EYS: variants seen among roughly 807,000 people sequenced by gnomAD.
EYS encodes protein eyes shut homolog.
In EYS, 250 loss-of-function variants were observed where a neutral mutation model predicts 282.1. The observed-to-expected ratio is 0.89, with a 90% CI of 0.80 to 0.98. The LOEUF is 0.98. Ranked by LOEUF, EYS falls within the 50% of genes least tolerant of loss-of-function variation. The pLI, the probability that EYS is intolerant of heterozygous loss-of-function variation, is 0.00. For missense variants in EYS, 4,016 were observed against 3,709.0 expected, an observed-to-expected ratio of 1.08 and a Z score of -2.15; for synonymous variants, 1,355 against 1,282.9, an observed-to-expected ratio of 1.06 and a Z score of -1.20.
At chr6:64,778,036 A>C (rs1262623333) in intron 22 of EYS, among the ~76,000 whole-genome samples, 1 of 152,152 alleles carries the variant, frequency 6.6e-6, no homozygotes, top group African/African-American at 2.4e-5. Context: ...TATTGCTTTT[A>C]GAAAAGGATT....
chr6:63,869,070 A>G (rs1288940919), intron 35 of EYS, among the ~76,000 whole-genome samples: 1 of 152,210 alleles, frequency 6.6e-6, no homozygotes, highest in East Asian at 1.9e-4. Context: ...GGAGAAACAT[A>G]GTCTATATAA....
At chr6:64,777,391 ATAAAGT>A (rs1773712412) in intron 22 of EYS, among the ~76,000 whole-genome samples, 1 of 152,154 alleles carries the variant, frequency 6.6e-6, no homozygotes, top group Non-Finnish European at 1.5e-5. Context: ...GTTGAATCCA[ATAAAGT>A]TAAATAAACA....
chr6:64,933,902 T>C (rs1475026524), intron 15 of EYS, among the ~76,000 whole-genome samples: 2 of 152,088 alleles, frequency 1.3e-5, no homozygotes, highest in Admixed American at 6.6e-5. Flanking sequence ...AAACACTGCA[T>C]GTTCTCACTC....
intron 2 of EYS, among the ~76,000 whole-genome samples, chr6:65,592,415 T>C (rs1194784676): frequency 1.3e-5 from 2 of 152,006 alleles, no homozygotes; most frequent in East Asian, 3.9e-4. Context: ...GATATTTTAT[T>C]ACTATATTTC....
intron 12 of EYS, among the ~76,000 whole-genome samples, chr6:65,220,482 C>T (rs1484832183): frequency 6.6e-6 from 1 of 152,134 alleles, no homozygotes; most frequent in Non-Finnish European, 1.5e-5. Context: ...CTGCCTGTCA[C>T]CATGTAAGAT....
intron 22 of EYS, among the ~76,000 whole-genome samples, chr6:64,795,827 T>A (rs1419106480): frequency 2.0e-5 from 3 of 152,190 alleles, no homozygotes; most frequent in Non-Finnish European, 2.9e-5. Context: ...ACAGCGGTAC[T>A]TTTTTCAAAC....
intron 29 of EYS, among the ~76,000 whole-genome samples, chr6:64,370,642 T>C (rs1772334351): frequency 6.6e-6 from 1 of 152,098 alleles, no homozygotes; most frequent in Admixed American, 6.5e-5. Context: ...TGTAAATTCA[T>C]CTGGTCCTGG....
intron 31 of EYS, among the ~76,000 whole-genome samples, chr6:64,090,455 T>A (rs1180462922): frequency 6.6e-6 from 1 of 152,158 alleles, no homozygotes; most frequent in Non-Finnish European, 1.5e-5. Context: ...CAATATAGAA[T>A]TGATAATACC....
intron 29 of EYS, among the ~76,000 whole-genome samples, chr6:64,369,931 A>C (rs2150413042): frequency 6.6e-6 from 1 of 151,962 alleles, no homozygotes; most frequent in East Asian, 1.9e-4. Flanking sequence ...GCTTTAGGGC[A>C]GAGACTATGG....
At position 65,394,515 on chromosome 6, in the gene EYS, C is replaced by T. The variant is rs369049653; in HGVS notation, c.1184+7963G>A. Among the ~76,000 whole-genome samples, 14 of 152,172 alleles carry T rather than the reference C, an allele frequency of 9.2e-5. No individual in the cohort carries two copies. The East Asian group carries it at 1.5e-3, about 17-fold the overall frequency. On this transcript the variant is annotated intron_variant, in intron 7 of 42. Coordinates refer to ENST00000503581, the MANE Select transcript of EYS (RefSeq NM_001142800.2). ...GTGTAAGTGAAGTGCAGCACAGAGT[C>T]CTGTAGCTGTAGCACTGCCTTTGGA...
intron 1 of EYS, among the ~76,000 whole-genome samples, chr6:65,643,711 C>T (rs1431360634): frequency 2.0e-5 from 3 of 152,134 alleles, no homozygotes. Context: ...GAGCAGGTTA[C>T]TGGTATCCAC....
intron 19 of EYS, among the ~76,000 whole-genome samples, chr6:64,824,160 G>GA (rs1037775957): frequency 6.6e-6 from 1 of 151,790 alleles, no homozygotes; most frequent in Non-Finnish European, 1.5e-5. Flanking sequence ...TGTTTAAGAG[G>GA]AAAAAAGACA....
chr6:64,203,784 C>T (rs1765541422), intron 31 of EYS, among the ~76,000 whole-genome samples: 1 of 152,056 alleles, frequency 6.6e-6, no homozygotes, highest in Non-Finnish European at 1.5e-5. Flanking sequence ...AGAGCAATAC[C>T]TGACTCATAG....
At position 64,217,524 on chromosome 6, in the gene EYS, G is replaced by A. The variant is rs548891254; in HGVS notation, c.6424+13068C>T. Among the ~76,000 whole-genome samples the A allele has an allele frequency of 1.6e-3, 237 of 151,800 alleles. 1 individual carries two copies. The highest frequency in any genetic ancestry group is 2.8e-3 in the Non-Finnish European group (191 of 67,922). On this transcript the variant is annotated intron_variant, in intron 31 of 42. Coordinates refer to ENST00000503581, the MANE Select transcript of EYS (RefSeq NM_001142800.2). Reference sequence around the variant, plus strand: ...AGCCCGAGTGACAGAGCAAGACTCCGTCCCCCTGCCACCCCCAAGAAAAGG... The same window carrying A: ...AGCCCGAGTGACAGAGCAAGACTCCATCCCCCTGCCACCCCCAAGAAAAGG...
intron 12 of EYS, among the ~76,000 whole-genome samples, chr6:65,208,005 A>G (rs1018638742): frequency 6.6e-6 from 1 of 151,854 alleles, no homozygotes; most frequent in African/African-American, 2.4e-5. Context: ...ATAAACAAAA[A>G]TAGATAACTG....
chr6:65,615,387 T>TAC lies in EYS; in HGVS notation c.-333+24390_-333+24391insGT, dbSNP rs1491514022. On this transcript the variant is annotated intron_variant, in intron 2 of 42. Transcript: ENST00000503581. ...CAAAACCGAGTTCATTTTATTTATT[T>TAC]ATATATATATATATGTGTGTGTATA... Among the ~76,000 whole-genome samples the TAC allele has an allele frequency of 3.8e-4, 11 of 29,186 alleles. No individual in the cohort carries two copies. In the Admixed American group the frequency reaches 5.1e-3, roughly 13 times the overall value. The allele number at this position is 29,186 out of a possible 152,430, so 19.1% of individuals were successfully genotyped here. A position where few individuals can be genotyped will look rare whatever the true frequency, so the allele number is the denominator to read the frequency against.
At position 65,392,110 on chromosome 6, in the gene EYS, C is replaced by G. The variant is rs544940534; in HGVS notation, c.1185-7610G>C. On this transcript the variant is annotated intron_variant, in intron 7 of 42. Transcript: ENST00000503581. ...TAATAAATGGTGCTGGGGAAACTGG[C>G]TAGCCATATGGAGAAAGCTGAAACT... Among the ~76,000 whole-genome samples the G allele has an allele frequency of 2.6e-5, 4 of 152,124 alleles. No individual in the cohort carries two copies. In the East Asian group the frequency reaches 7.7e-4, roughly 29 times the overall value.
At chr6:65,436,475 AATG>A (rs1402607660) in intron 5 of EYS, among the ~76,000 whole-genome samples, 2 of 152,156 alleles carry the variant, frequency 1.3e-5, no homozygotes, top group Non-Finnish European at 2.9e-5. Flanking sequence ...AAGAAAAAAA[AATG>A]ATGTTTTGAT....
chr6:64,661,160 G>C (rs182134450), intron 22 of EYS, among the ~76,000 whole-genome samples: 1,762 of 152,204 alleles, frequency 0.012, 37 homozygotes, highest in African/African-American at 0.04. Context: ...TTAATAAATG[G>C]TGCTGGGAAA....
Sources: gnomAD v4.1 joint callset for allele counts (sites outside exome capture counted in the v4.1 genomes callset) on GRCh38, gnomAD v4.1.1 for gene constraint, MANE v1.5 for transcripts, NCBI Gene and HGNC (gene_info 2026-07-23, HGNC 2026-07-21) for gene names.